The following MAGI2 variants were observed in gnomAD, a reference collection of about 807,000 sequenced individuals.
MAGI2 encodes membrane associated guanylate kinase, WW and PDZ domain containing 2.
A neutral mutation model predicts 133.3 loss-of-function variants in MAGI2; 35 were observed. The ratio of observed to expected loss-of-function variants is 0.26; its 90% CI spans 0.20 to 0.35. The LOEUF is 0.35. MAGI2 is among the 10% of genes least tolerant of loss of function. The pLI is 1.00. For missense variants in MAGI2, 1,636 were observed against 1,863.4 expected (o/e 0.88, Z 2.25); for synonymous variants, 729 against 710.6 (o/e 1.03, Z -0.41).
intron 1 of MAGI2, among the ~76,000 whole-genome samples, chr7:79,016,236 C>A (rs1253253969): frequency 6.6e-6 from 1 of 152,036 alleles, no homozygotes; most frequent in Non-Finnish European, 1.5e-5. Context: ...TGCCTTGCAC[C>A]CTTAGGAAAC....
At chr7:79,414,609 G>A (rs1846373333) in intron 1 of MAGI2, 1 of 152,000 alleles carries the variant, frequency 6.6e-6, no homozygotes, top group Admixed American at 6.6e-5. Context: ...ACAATCTCAG[G>A]TTCATATTTG....
chr7:79,371,046 T>A (rs1843018667), intron 1 of MAGI2, among the ~76,000 whole-genome samples: 1 of 152,114 alleles, frequency 6.6e-6, no homozygotes, highest in Non-Finnish European at 1.5e-5. Context: ...GATGCTTTTA[T>A]CACATTTCTA....
intron 6 of MAGI2, among the ~76,000 whole-genome samples, chr7:78,461,329 G>C (rs1008714406): frequency 1.3e-5 from 2 of 151,746 alleles, no homozygotes; most frequent in African/African-American, 2.4e-5. Flanking sequence ...AGTAATTTAA[G>C]TGTATAAGTA....
chr7:79,202,590 A>T (rs1828710370), intron 1 of MAGI2, among the ~76,000 whole-genome samples: 1 of 151,978 alleles, frequency 6.6e-6, no homozygotes, highest in African/African-American at 2.4e-5. Flanking sequence ...TGTTTCATAC[A>T]TTATTTAATA....
intron 3 of MAGI2, among the ~76,000 whole-genome samples, chr7:78,572,259 T>G (rs1801577916): frequency 6.6e-6 from 1 of 152,160 alleles, no homozygotes; most frequent in South Asian, 2.1e-4. Flanking sequence ...TAATTGATTA[T>G]CGAGGAAATC....
intron 1 of MAGI2, among the ~76,000 whole-genome samples, chr7:79,445,580 G>C (rs1177645976): frequency 6.6e-6 from 1 of 152,200 alleles, no homozygotes; most frequent in East Asian, 1.9e-4. Flanking sequence ...CATCATCACT[G>C]GCCATCAGAG....
At chr7:79,390,727 G>C (rs533541126) in intron 1 of MAGI2, among the ~76,000 whole-genome samples, 2 of 152,186 alleles carry the variant, frequency 1.3e-5, no homozygotes, top group Non-Finnish European at 2.9e-5. Context: ...TCTTCGAAGC[G>C]TGGATTTTAT....
At chr7:78,629,737 T>C (rs576431429) in intron 2 of MAGI2, among the ~76,000 whole-genome samples, 3 of 152,318 alleles carry the variant, frequency 2.0e-5, no homozygotes, top group Non-Finnish European at 2.9e-5. Context: ...CTCTCTCTTA[T>C]ATTCCCAACA....
At chr7:78,819,618 AAAG>A (rs762030545) in intron 2 of MAGI2, among the ~76,000 whole-genome samples, 1 of 152,038 alleles carries the variant, frequency 6.6e-6, no homozygotes, top group Non-Finnish European at 1.5e-5. Context: ...ACAGAGGGGA[AAAG>A]AGAAGACAAT....
intron 2 of MAGI2, among the ~76,000 whole-genome samples, chr7:78,908,824 T>C (rs1798168563): frequency 6.6e-6 from 1 of 152,122 alleles, no homozygotes; most frequent in African/African-American, 2.4e-5. Context: ...ATCACTACTA[T>C]AGAATGTTGT....
intron 7 of MAGI2, among the ~76,000 whole-genome samples, chr7:78,357,990 C>T (rs953460886): frequency 1.3e-5 from 2 of 149,606 alleles, no homozygotes; most frequent in African/African-American, 4.9e-5. Context: ...TTAATGATGT[C>T]ATTTTTTATT....
intron 2 of MAGI2, among the ~76,000 whole-genome samples, chr7:78,875,117 C>T (rs1211313173): frequency 6.6e-6 from 1 of 152,112 alleles, no homozygotes; most frequent in Non-Finnish European, 1.5e-5. Context: ...TGAACTCTGT[C>T]CATATCCCTG....
intron 2 of MAGI2, among the ~76,000 whole-genome samples, chr7:79,003,691 A>G (rs2116486302): frequency 6.6e-6 from 1 of 152,322 alleles, no homozygotes; most frequent in Middle Eastern, 3.4e-3. Context: ...CTTCTACTGC[A>G]CCCTTTCTGA....
intron 21 of MAGI2, among the ~76,000 whole-genome samples, chr7:78,076,768 C>G (rs958041974): frequency 1.4e-5 from 2 of 144,872 alleles, no homozygotes; most frequent in African/African-American, 5.1e-5. Flanking sequence ...ATGGCGTGAA[C>G]CCGGGAAGCG....
At chr7:78,890,172 G>A (rs1395339561) in intron 2 of MAGI2, among the ~76,000 whole-genome samples, 1 of 152,174 alleles carries the variant, frequency 6.6e-6, no homozygotes, top group African/African-American at 2.4e-5. Flanking sequence ...AACAAGAAGA[G>A]CTAACTATCC....
intron 6 of MAGI2, among the ~76,000 whole-genome samples, chr7:78,468,088 CT>C (rs1375026240): frequency 2.0e-5 from 3 of 152,058 alleles, no homozygotes; most frequent in African/African-American, 2.4e-5. Flanking sequence ...ACAAAACAAA[CT>C]TTGGTTTGAC....
chr7:78,748,066 C>A (rs1280513640), intron 2 of MAGI2, among the ~76,000 whole-genome samples: 3 of 152,002 alleles, frequency 2.0e-5, no homozygotes, highest in African/African-American at 7.2e-5. Flanking sequence ...CAGCTTTTAA[C>A]CAGCTTCACA....
rs371119014 is a variant in MAGI2 at position 78,195,599 on chromosome 7, A to G, written c.2080-536T>C. Among the ~76,000 whole-genome samples, 8 of 152,314 alleles carry G rather than the reference A, an allele frequency of 5.3e-5. No individual in the cohort carries two copies. In the East Asian group the frequency reaches 1.2e-3, roughly 22 times the overall value. On this transcript the variant is annotated intron_variant, in intron 11 of 21. Transcript: ENST00000354212. Reference sequence around the variant, plus strand: ...AGACGTAATTATGCAACCATCTAGGATTCAGGGATTGTTCAAAGTCTTCTA... The same window carrying G: ...AGACGTAATTATGCAACCATCTAGGGTTCAGGGATTGTTCAAAGTCTTCTA...
chr7:78,575,520 G>T (rs1001328046), intron 3 of MAGI2, among the ~76,000 whole-genome samples: 1 of 152,142 alleles, frequency 6.6e-6, no homozygotes, highest in Non-Finnish European at 1.5e-5. Context: ...TAAATGAAAG[G>T]GGGTAGAGTG....
Sources: allele counts gnomAD v4.1 joint callset (sites outside exome capture counted in the v4.1 genomes callset), GRCh38; gene constraint gnomAD v4.1.1; transcripts MANE v1.5; gene names NCBI Gene and HGNC (gene_info 2026-07-23, HGNC 2026-07-21).